Variants in TBC1D30 observed in about 807,000 individuals in gnomAD.
TBC1D30 encodes the protein TBC1 domain family, member 30.
Under a neutral mutation model 63.2 loss-of-function variants are expected in TBC1D30, and 31 were observed. The observed-to-expected ratio is 0.49, with a 90% CI of 0.37 to 0.66. The LOEUF (loss-of-function observed/expected upper bound fraction) is 0.66. Ranked by LOEUF, TBC1D30 falls within the 30% of genes least tolerant of loss-of-function variation. The pLI is 0.00. For missense variants in TBC1D30, 810 were observed against 953.6 expected, an observed-to-expected ratio of 0.85 and a Z score of 1.98; for synonymous variants, 307 against 361.5, an observed-to-expected ratio of 0.85 and a Z score of 1.71.
At chr12:64,843,525 C>A in intron 8 of TBC1D30, 40 bp downstream of exon 8, 1 of 1,484,734 alleles carries the variant, frequency 6.7e-7, no homozygotes, top group Non-Finnish European at 9.1e-7. Context: ...CGGGGAACCC[C>A]GGGCACGGTG....
intron 1 of TBC1D30, among the ~76,000 whole-genome samples, chr12:64,769,482 A>G (rs550376203): frequency 3.0e-4 from 46 of 150,984 alleles, no homozygotes; most frequent in African/African-American, 9.5e-4. Context: ...GATTCAAGCA[A>G]TTCTCTGCCT....
At chr12:64,828,569 T>G in intron 3 of TBC1D30, 60 bp downstream of exon 3, 2 of 1,093,428 alleles carry the variant, frequency 1.8e-6, no homozygotes, top group Non-Finnish European at 2.6e-6. Context: ...CTTTAGAGCC[T>G]CTGGAATGTC....
chr12:64,868,991 A>G (rs1352516767), intron 10 of TBC1D30, among the ~76,000 whole-genome samples: 6 of 151,156 alleles, frequency 4.0e-5, no homozygotes. Context: ...TTTTTTTTCT[A>G]AACAGAATAG....
chr12:64,817,919 C>T (rs748125527), intron 2 of TBC1D30, among the ~76,000 whole-genome samples: 7 of 151,962 alleles, frequency 4.6e-5, no homozygotes, highest in East Asian at 1.9e-4. Flanking sequence ...AAAAATTAGC[C>T]GGGCATGGTG....
At chr12:64,831,979 CAT>C (rs1874896406) in intron 4 of TBC1D30, 138 bp from the exon 5 acceptor site, 4 of 666,462 alleles carry the variant, frequency 6.0e-6, no homozygotes, top group African/African-American at 1.8e-5. Context: ...CATTTTGGCT[CAT>C]ATGTATAAAA....
chr12:64,832,454 G>A (rs1254071910), intron 5 of TBC1D30, 150 bp downstream of exon 5: 23 of 756,802 alleles, frequency 3.0e-5, no homozygotes, highest in Non-Finnish European at 4.7e-5. Context: ...CCAGGTTAGA[G>A]CCATGTCAAG....
At chr12:64,820,719 G>T (rs181654316), upstream of TBC1D30, among the ~76,000 whole-genome samples, 1 of 152,200 alleles carries the variant, frequency 6.6e-6, no homozygotes, top group Non-Finnish European at 1.5e-5. Context: ...GACTTTAGAT[G>T]ACATCTTTCA....
intron 1 of TBC1D30, among the ~76,000 whole-genome samples, chr12:64,761,350 C>A (rs1173823191): frequency 6.6e-6 from 1 of 152,020 alleles, no homozygotes; most frequent in African/African-American, 2.4e-5. Context: ...CTGTCAGAGG[C>A]GATTGAACCA....
At chr12:64,797,542 A>G (rs537597601) in intron 2 of TBC1D30, among the ~76,000 whole-genome samples, 2 of 152,288 alleles carry the variant, frequency 1.3e-5, no homozygotes, top group African/African-American at 4.8e-5. Context: ...GCAGAAACAC[A>G]TATCATGGGG....
intron 6 of TBC1D30, among the ~76,000 whole-genome samples, chr12:64,837,320 T>G: frequency 6.6e-6 from 1 of 152,184 alleles, no homozygotes; most frequent in East Asian, 1.9e-4. Context: ...GTACTTTATT[T>G]CTATTATTAT....
At chr12:64,845,092 C>A (rs962103060) in intron 8 of TBC1D30, among the ~76,000 whole-genome samples, 1 of 152,180 alleles carries the variant, frequency 6.6e-6, no homozygotes, top group African/African-American at 2.4e-5. Context: ...AGTGCAGATA[C>A]TGTTTTGATA....
intron 2 of TBC1D30, among the ~76,000 whole-genome samples, chr12:64,815,382 C>G (rs945391827): frequency 4.6e-5 from 7 of 151,884 alleles, no homozygotes; most frequent in Non-Finnish European, 8.8e-5. Context: ...TATGGTGTTT[C>G]TAGAAAAAGC....
At chr12:64,766,385 A>T (rs933282440) in intron 1 of TBC1D30, among the ~76,000 whole-genome samples, 3 of 152,178 alleles carry the variant, frequency 2.0e-5, no homozygotes, top group African/African-American at 7.2e-5. Context: ...GAAACATCAC[A>T]ATCAAAATTC....
intron 6 of TBC1D30, 83 bp from the exon 7 acceptor site, chr12:64,838,600 G>C: frequency 7.5e-7 from 1 of 1,331,096 alleles, no homozygotes; most frequent in Non-Finnish European, 1.0e-6. Context: ...AATTTGAGTG[G>C]ACATGGAAGA....
At chr12:64,804,304 T>C (rs1213842611) in intron 2 of TBC1D30, among the ~76,000 whole-genome samples, 1 of 152,194 alleles carries the variant, frequency 6.6e-6, no homozygotes, top group Non-Finnish European at 1.5e-5. Context: ...GTTATTGGTG[T>C]AGAGGAATGT....
At position 64,785,839 on chromosome 12, in the gene TBC1D30, C is replaced by T. The variant is rs545506842; in HGVS notation, c.479-42C>T. 38 of 1,263,010 alleles carry T rather than the reference C, an allele frequency of 3.0e-5. No individual in the cohort carries two copies. The African/African-American group carries it at 3.7e-4, about 12-fold the overall frequency. 78.2% of individuals were successfully genotyped at this position (1,263,010 alleles called of 1,614,324 possible). ...ATATCACACTGGAATTTGTATTCCT[C>T]TCAAGGTATTAATCGTTATTCTTAT... On this transcript the variant is annotated intron_variant, in intron 1 of 12. Coordinates refer to the TBC1D30 transcript ENST00000542120.
intron 2 of TBC1D30, among the ~76,000 whole-genome samples, chr12:64,807,086 T>C (rs1362424868): frequency 1.3e-5 from 2 of 152,164 alleles, no homozygotes; most frequent in African/African-American, 4.8e-5. Context: ...TGAATTGTGG[T>C]TCCCAGAATC....
At chr12:64,856,700 A>G (rs1877332419) in intron 8 of TBC1D30, among the ~76,000 whole-genome samples, 1 of 152,078 alleles carries the variant, frequency 6.6e-6, no homozygotes, top group African/African-American at 2.4e-5. Context: ...CCCAGGCCCC[A>G]GGTGTGTCTA....
chr12:64,774,605 C>T (rs944590342), intron 1 of TBC1D30, among the ~76,000 whole-genome samples: 2 of 152,130 alleles, frequency 1.3e-5, no homozygotes, highest in African/African-American at 4.8e-5. Context: ...CAGAGGAAAA[C>T]CTATAAGCCA....
Sources: gnomAD v4.1 joint callset for allele counts (sites outside exome capture counted in the v4.1 genomes callset) on GRCh38, gnomAD v4.1.1 for gene constraint, MANE v1.5 for transcripts, NCBI Gene and HGNC (gene_info 2026-07-23, HGNC 2026-07-21) for gene names.